ESR2: variants seen among roughly 807,000 people sequenced by gnomAD.
ESR2 encodes estrogen receptor beta.
Under a neutral mutation model 49.6 loss-of-function variants are expected in ESR2, and 36 were observed. The ratio of observed to expected loss-of-function variants is 0.73; its 90% CI spans 0.56 to 0.96. The LOEUF is 0.96. Ranked by LOEUF, ESR2 falls within the 40% of genes least tolerant of loss-of-function variation. The pLI is 0.00. For missense variants in ESR2, 714 were observed against 693.0 expected (o/e 1.03, Z -0.34); for synonymous variants, 320 against 266.1 (o/e 1.20, Z -1.97).
intron 3 of ESR2, among the ~76,000 whole-genome samples, chr14:64,271,705 C>T (rs1437639028): frequency 3.3e-5 from 5 of 152,182 alleles, no homozygotes; most frequent in Non-Finnish European, 5.9e-5. Flanking sequence ...AACATGACCT[C>T]CAGTTGCATC....
intron 1 of ESR2, among the ~76,000 whole-genome samples, chr14:64,318,022 G>A (rs939046152): frequency 6.6e-6 from 1 of 152,208 alleles, no homozygotes; most frequent in African/African-American, 2.4e-5. Flanking sequence ...GAAAAGAAAA[G>A]AAAATTAATA....
In ESR2 at chr14:64,257,363, G is replaced by A. The variant is rs777043910; in HGVS notation, c.954C>T (p.Gly318=). 5.0e-6 allele frequency: 8 copies of A among 1,612,688 alleles called. No individual in the cohort carries two copies. Among genetic ancestry groups the A allele is most frequent in the South Asian group, 1.1e-5 (1 of 91,008 alleles). ...GGTCGAACAGGCTGAGCTCCACAAA[G>A]CCTGGGGAAAGCAAGAGGCGGTGAG... ...HMISWAKKIP[G]FVELSLFDQV... Residue 318 remains glycine (G), a splice_region_variant and synonymous_variant, in exon 6 of 9, where the codon GGC becomes GGT. Coordinates refer to ENST00000341099, the MANE Select transcript of ESR2 (RefSeq NM_001437.3).
intron 6 of ESR2, among the ~76,000 whole-genome samples, chr14:64,250,879 C>T (rs1236936153): frequency 2.0e-5 from 3 of 152,188 alleles, no homozygotes; most frequent in Non-Finnish European, 2.9e-5. Flanking sequence ...CACCCAGACT[C>T]GCTCACACAG....
At chr14:64,325,443 A>G (rs1464597347) in intron 1 of ESR2, among the ~76,000 whole-genome samples, 5 of 152,162 alleles carry the variant, frequency 3.3e-5, no homozygotes, top group African/African-American at 1.2e-4. Flanking sequence ...AGAGTTTTTT[A>G]AGAGAATGGA....
chr14:64,245,438 GGAGGTA>G (rs1294334440), intron 7 of ESR2, among the ~76,000 whole-genome samples: 4 of 142,918 alleles, frequency 2.8e-5, no homozygotes, highest in Admixed American at 7.6e-5. Context: ...TTTTAAGCCA[GGAGGTA>G]GAGGTTGCAG....
In ESR2 at chr14:64,268,790, C is replaced by A. The variant is rs1479599490; in HGVS notation, c.652+5G>T. On this transcript the variant is annotated splice_donor_5th_base_variant and intron_variant, in intron 4 of 8. Transcript: ENST00000341099. ...TATTCAATAAGAAGGGAAGCAAGCA[C>A]TCACCACACTTCACCATTCCCACTT... The A allele has an allele frequency of 6.4e-7, 1 of 1,573,464 alleles. No individual in the cohort carries two copies.
chr14:64,260,531 G>C lies in ESR2; in HGVS notation c.870C>G (p.Thr290=). Residue 290 remains threonine, a synonymous_variant, in exon 5 of 9, where the codon ACC becomes ACG. Coordinates refer to ENST00000341099, the MANE Select transcript of ESR2 (RefSeq NM_001437.3). The stretch of plus-strand genomic sequence containing the variant: ...TCAGGGACATCATCATGGAGGCCTC[G>C]GTGAAGGGCGCACTGGGGCGGCTGA... The part of the protein sequence containing the change: ...VLISRPSAPF[T]EASMMMSLTK... 1 of 1,564,368 alleles carries C rather than the reference G, an allele frequency of 6.4e-7. No homozygotes were observed.
chr14:64,300,106 CAAA>C (rs1277846505), intron 1 of ESR2, among the ~76,000 whole-genome samples: 1 of 152,182 alleles, frequency 6.6e-6, no homozygotes, highest in Non-Finnish European at 1.5e-5. Context: ...TTCTAGTTAA[CAAA>C]GAACTTGCAT....
At chr14:64,336,809 T>C (rs1206093355) in intron 1 of ESR2, 1 of 152,184 alleles carries the variant, frequency 6.6e-6, no homozygotes, top group Non-Finnish European at 1.5e-5. Context: ...CTTATTTCAA[T>C]TCAGTAAATC....
intron 3 of ESR2, among the ~76,000 whole-genome samples, chr14:64,276,902 A>C (rs548953710): frequency 6.6e-6 from 1 of 152,260 alleles, no homozygotes; most frequent in Non-Finnish European, 1.5e-5. Flanking sequence ...AAGTGCCACT[A>C]GTGAACAAAA....
chr14:64,309,553 A>T (rs887085795), intron 1 of ESR2, among the ~76,000 whole-genome samples: 1 of 145,898 alleles, frequency 6.9e-6, no homozygotes, highest in East Asian at 2.1e-4. Context: ...AGAGGTTGCA[A>T]TGAGCCAAGA....
chr14:64,236,550 A>ACCAGGGCCCTCCCCGCTTCTCT (rs1325614022), intron 7 of ESR2, among the ~76,000 whole-genome samples: 1 of 152,082 alleles, frequency 6.6e-6, no homozygotes, highest in African/African-American at 2.4e-5. Context: ...TATCAGAGGT[A>ACCAGGGCCCTCCCCGCTTCTCT]CCAGGGCCCT....
intron 4 of ESR2, among the ~76,000 whole-genome samples, chr14:64,265,274 C>A (rs1201024681): frequency 1.3e-5 from 2 of 152,108 alleles, no homozygotes; most frequent in African/African-American, 4.8e-5. Context: ...TGATGATGAT[C>A]GTAGTGATAA....
At chr14:64,296,019 G>A (rs989054449), upstream of ESR2, among the ~76,000 whole-genome samples, 25 of 147,206 alleles carry the variant, frequency 1.7e-4, no homozygotes, top group African/African-American at 6.2e-4. Context: ...ATTCCAGCCT[G>A]GGCGACAGAG....
chr14:64,260,334 C>A, intron 5 of ESR2, 115 bp downstream of exon 5: 2 of 1,025,166 alleles, frequency 2.0e-6, no homozygotes, highest in Non-Finnish European at 3.1e-6. Flanking sequence ...CAGCTGAGGA[C>A]CTGTTAAATA....
In ESR2 at chr14:64,273,417, C is replaced by T. The variant is rs571986422; in HGVS notation, c.536-4506G>A. 2.0e-5 allele frequency among the ~76,000 whole-genome samples: 3 copies of T among 152,234 alleles called. No individual in the cohort carries two copies. In the South Asian group the frequency reaches 6.2e-4, roughly 32 times the overall value. ...TAGAGGAAAGGCTTTCAGTTTTTCT[C>T]CATTAAGTGTGATACTAGCTGTGGG... On this transcript the variant is annotated intron_variant, in intron 3 of 8. Coordinates refer to ENST00000341099, the MANE Select transcript of ESR2 (RefSeq NM_001437.3).
chr14:64,299,303 T>A (rs898526742), upstream of ESR2, among the ~76,000 whole-genome samples: 1 of 152,234 alleles, frequency 6.6e-6, no homozygotes, highest in African/African-American at 2.4e-5. Context: ...ATTTTCAATT[T>A]CTTTGTTCAT....
intron 5 of ESR2, chr14:64,260,182 C>A (rs1263905731): frequency 2.8e-6 from 2 of 702,528 alleles, no homozygotes; most frequent in Non-Finnish European, 5.3e-6. Context: ...AATGGCTGGG[C>A]CACGCACAAC....
chr14:64,292,535 G>A lies in ESR2; in HGVS notation c.-91+1498C>T, dbSNP rs117522435. On this transcript the variant is annotated intron_variant, in intron 1 of 8. Coordinates refer to ENST00000341099, the MANE Select transcript of ESR2 (RefSeq NM_001437.3). The stretch of plus-strand genomic sequence containing the variant: ...AACAATGTGCTAGACACTGAATTAT[G>A]AAATCTAACGTTCAAGCATACAATT... 8.9e-4 allele frequency among the ~76,000 whole-genome samples: 135 copies of A among 152,254 alleles called. No individual in the cohort carries two copies. The East Asian group carries it at 0.022, about 25-fold the overall frequency.
Sources: gnomAD v4.1 joint callset for allele counts (sites outside exome capture counted in the v4.1 genomes callset) on GRCh38, gnomAD v4.1.1 for gene constraint, MANE v1.5 for transcripts, NCBI Gene and HGNC (gene_info 2026-07-23, HGNC 2026-07-21) for gene names.